The following RICTOR variants were observed in gnomAD, a reference collection of about 807,000 sequenced individuals.
RICTOR encodes rapamycin-insensitive companion of mTOR.
Under a neutral mutation model 214.9 loss-of-function variants are expected in RICTOR, and 49 were observed. The ratio of observed to expected loss-of-function variants is 0.23; its 90% CI spans 0.18 to 0.29. RICTOR has a LOEUF of 0.29. Among genes scored for constraint, RICTOR ranks in the 10% least tolerant of loss-of-function variants. RICTOR has a pLI of 1.00. For missense variants in RICTOR, 1,625 were observed against 2,047.0 expected (o/e 0.79, Z 3.98); for synonymous variants, 717 against 711.3 (o/e 1.01, Z -0.13).
At chr5:39,036,051 A>G (rs536532029) in intron 2 of RICTOR, among the ~76,000 whole-genome samples, 1 of 152,352 alleles carries the variant, frequency 6.6e-6, no homozygotes, top group Admixed American at 6.5e-5. Context: ...AAAAAATATT[A>G]AGGGAAGCCA....
intron 2 of RICTOR, among the ~76,000 whole-genome samples, chr5:39,031,221 A>G (rs1457703461): frequency 6.6e-6 from 1 of 152,200 alleles, no homozygotes; most frequent in African/African-American, 2.4e-5. Flanking sequence ...TTAATGACTG[A>G]CCAGGTTTGT....
chr5:38,968,147 T>TCACA (rs1298127080), intron 11 of RICTOR, 117 bp from the exon 12 acceptor site: 30 of 640,712 alleles, frequency 4.7e-5, no homozygotes, highest in Non-Finnish European at 8.0e-5. Flanking sequence ...CAATGACATG[T>TCACA]CACATAACAA....
At chr5:39,002,915 A>G (rs1184843366) in intron 4 of RICTOR, among the ~76,000 whole-genome samples, 4 of 152,046 alleles carry the variant, frequency 2.6e-5, no homozygotes, top group Admixed American at 1.3e-4. Flanking sequence ...GTTCTTTCTT[A>G]CCTTCTGTAC....
chr5:38,976,157 G>T (rs1024767313), intron 9 of RICTOR, among the ~76,000 whole-genome samples: 3 of 152,130 alleles, frequency 2.0e-5, no homozygotes, highest in Admixed American at 6.5e-5. Flanking sequence ...CAATAGTTAT[G>T]ACAATTAAGC....
At chr5:38,956,773 A>G (rs551348512) in intron 25 of RICTOR, among the ~76,000 whole-genome samples, 3 of 152,260 alleles carry the variant, frequency 2.0e-5, no homozygotes, top group Non-Finnish European at 4.4e-5. Flanking sequence ...AATAAATTTT[A>G]TTATGATGAT....
intron 2 of RICTOR, among the ~76,000 whole-genome samples, chr5:39,034,751 A>G (rs920106231): frequency 1.3e-5 from 2 of 151,890 alleles, no homozygotes; most frequent in African/African-American, 4.9e-5. Context: ...ACTGCAAGGC[A>G]GCAGCGAGGC....
chr5:38,964,939 A>C (rs1175560333), intron 15 of RICTOR, 47 bp from the exon 16 acceptor site: 3 of 1,144,206 alleles, frequency 2.6e-6, no homozygotes, highest in Admixed American at 1.8e-5. Context: ...AAGTAGAAAG[A>C]GTTTATGTCA....
chr5:38,946,109 C>T lies in RICTOR; in HGVS notation c.4399+359G>A, dbSNP rs143841944. On this transcript the variant is annotated intron_variant, in intron 33 of 37. Transcript: ENST00000357387. Reference sequence around the variant, plus strand: ...AAATATAACAGTTCAAAACAAAGACCGTGTATTTTATAAGTACATTTCTTT... The same window carrying T: ...AAATATAACAGTTCAAAACAAAGACTGTGTATTTTATAAGTACATTTCTTT... Among the ~76,000 whole-genome samples, 14 of 152,126 alleles carry T rather than the reference C, an allele frequency of 9.2e-5. No individual in the cohort carries two copies. In the East Asian group the frequency reaches 2.5e-3, roughly 27 times the overall value.
chr5:38,947,293 G>C lies in RICTOR; in HGVS notation c.4285C>G (p.Leu1429Val). 6.2e-7 allele frequency: 1 copy of C among 1,612,604 alleles called. No individual in the cohort carries two copies. Residue 1429 changes from leucine to valine, a missense_variant, in exon 32 of 38, where the codon CTC (leucine) becomes GTC (valine). By Grantham distance (32) the Leu-to-Val change is conservative. Around this residue, in one of 5 missense-constraint regions of RICTOR, gnomAD observed 1,214 missense variants for 1,470.5 expected, o/e 0.83. Transcript: ENST00000357387. Reference sequence around the variant, plus strand: ...AATATATCATTTATATCCACCGGGAGAGCAAGACCAATGTAATCATCTGAA... The same window carrying C: ...AATATATCATTTATATCCACCGGGACAGCAAGACCAATGTAATCATCTGAA... ...GGSDDYIGLALPVDINDIFQV... is the reference protein window; with the variant it reads ...GGSDDYIGLAVPVDINDIFQV...
At chr5:39,027,293 T>G (rs1755901808) in intron 2 of RICTOR, among the ~76,000 whole-genome samples, 1 of 152,158 alleles carries the variant, frequency 6.6e-6, no homozygotes, top group Admixed American at 6.5e-5. Flanking sequence ...GAGAAGTTAA[T>G]TTTAGGTGGT....
In RICTOR at chr5:38,945,498, A is replaced by C; in HGVS notation, c.4626T>G (p.Ser1542Arg). The C allele has an allele frequency of 6.2e-7, 1 of 1,605,794 alleles. No homozygotes were observed. ...TGGGACGTGATCACTTACCTGAATGACTACATATTGCACTCAGTTGGTTGC... is the reference window on the plus strand; with the variant it reads ...TGGGACGTGATCACTTACCTGAATGCCTACATATTGCACTCAGTTGGTTGC... Reference protein sequence around the residue: ...QPSNQLSAICSHSDFQDIPYS... With the variant: ...QPSNQLSAICRHSDFQDIPYS... The change falls in exon 34 of 38, where the codon AGT becomes AGG. Residue 1542 changes from serine to arginine, a missense_variant. This residue lies in a region of RICTOR where 1,214 missense variants were observed against 1,470.5 expected (regional missense o/e 0.83). Coordinates refer to ENST00000357387, the MANE Select transcript of RICTOR (RefSeq NM_152756.5).
intron 5 of RICTOR, among the ~76,000 whole-genome samples, chr5:38,999,204 A>G (rs947799151): frequency 6.6e-6 from 1 of 152,140 alleles, no homozygotes; most frequent in African/African-American, 2.4e-5. Context: ...GAAAAATACA[A>G]TAATGGCATC....
chr5:38,973,235 T>G (rs76826293), intron 10 of RICTOR, among the ~76,000 whole-genome samples: 2,750 of 152,284 alleles, frequency 0.018, 40 homozygotes, highest in Non-Finnish European at 0.023. Context: ...AGACTAATGA[T>G]GTGTGCATTT....
At chr5:38,959,620 A>AAT (rs1272413102) in intron 21 of RICTOR, among the ~76,000 whole-genome samples, 159 bp downstream of exon 21, 1 of 152,184 alleles carries the variant, frequency 6.6e-6, no homozygotes, top group Non-Finnish European at 1.5e-5. Context: ...GAAAGCATTT[A>AAT]ATAACAACAA....
intron 2 of RICTOR, among the ~76,000 whole-genome samples, chr5:39,071,825 C>T (rs911964378): frequency 1.3e-5 from 2 of 152,146 alleles, no homozygotes; most frequent in Admixed American, 6.5e-5. Flanking sequence ...AGAATAAAAG[C>T]AAACACTGCC....
chr5:39,058,935 T>C (rs1053786920), intron 2 of RICTOR, among the ~76,000 whole-genome samples: 1 of 152,120 alleles, frequency 6.6e-6, no homozygotes, highest in African/African-American at 2.4e-5. Context: ...CTAGACATAT[T>C]ATTAACTGGC....
At chr5:38,959,344 A>G (rs1749587799) in intron 21 of RICTOR, 23 bp from the exon 22 acceptor site, 21 of 1,359,688 alleles carry the variant, frequency 1.5e-5, no homozygotes, top group Non-Finnish European at 2.1e-5. Context: ...AAAAAATAAG[A>G]ATGGTTAAAA....
chr5:39,060,415 T>C (rs1200481614), intron 2 of RICTOR, among the ~76,000 whole-genome samples: 2 of 151,842 alleles, frequency 1.3e-5, no homozygotes, highest in African/African-American at 2.4e-5. Context: ...AAACAAAGAA[T>C]TAAAGGACTC....
chr5:39,036,653 C>A (rs1756726937), intron 2 of RICTOR, among the ~76,000 whole-genome samples: 1 of 152,086 alleles, frequency 6.6e-6, no homozygotes. Flanking sequence ...CAAAAAAAGG[C>A]AGGGGTTGCA....
Sources: allele counts gnomAD v4.1 joint callset (sites outside exome capture counted in the v4.1 genomes callset), GRCh38; gene constraint gnomAD v4.1.1; regional missense constraint gnomAD v4.1.1; transcripts MANE v1.5; gene names NCBI Gene and HGNC (gene_info 2026-07-23, HGNC 2026-07-21).